ROCK2: variants seen among roughly 807,000 people sequenced by gnomAD.
ROCK2 encodes Rho associated coiled-coil containing protein kinase 2.
Under a neutral mutation model 195.1 loss-of-function variants are expected in ROCK2, and 61 were observed. The observed-to-expected ratio is 0.31, with a 90% CI of 0.25 to 0.39. ROCK2 has a LOEUF of 0.39. ROCK2 is among the 10% of genes least tolerant of loss of function. ROCK2 has a pLI of 1.00. For missense variants in ROCK2, 1,109 were observed against 1,637.4 expected (o/e 0.68, Z 5.57); for synonymous variants, 504 against 545.5 (o/e 0.92, Z 1.06).
intron 20 of ROCK2, among the ~76,000 whole-genome samples, chr2:11,205,788 G>A (rs1664028510): frequency 6.6e-6 from 1 of 151,966 alleles, no homozygotes; most frequent in Non-Finnish European, 1.5e-5. Context: ...AACATTTATT[G>A]AGGATGTAGT....
At chr2:11,238,795 T>C (rs1234107477) in intron 4 of ROCK2, among the ~76,000 whole-genome samples, 5 of 152,068 alleles carry the variant, frequency 3.3e-5, no homozygotes, top group African/African-American at 4.8e-5. Context: ...TACAGTGAGT[T>C]ACAATTGCAC....
At chr2:11,300,024 GT>G (rs1252180400) in intron 1 of ROCK2, among the ~76,000 whole-genome samples, 1 of 152,148 alleles carries the variant, frequency 6.6e-6, no homozygotes, top group East Asian at 1.9e-4. Context: ...CTAATTCACA[GT>G]TTTTGGGGTC....
chr2:11,339,814 TAGC>T (rs1430423775), intron 1 of ROCK2, among the ~76,000 whole-genome samples: 1 of 152,130 alleles, frequency 6.6e-6, no homozygotes, highest in Admixed American at 6.5e-5. Context: ...ATGTTCAGGG[TAGC>T]AGATGAGAGA....
At chr2:11,261,063 A>G (rs1666209817) in intron 3 of ROCK2, among the ~76,000 whole-genome samples, 1 of 152,226 alleles carries the variant, frequency 6.6e-6, no homozygotes, top group Non-Finnish European at 1.5e-5. Flanking sequence ...AAAATCATAT[A>G]TCTGTAGGAT....
At chr2:11,265,323 C>T (rs1018246296) in intron 3 of ROCK2, among the ~76,000 whole-genome samples, 2 of 152,138 alleles carry the variant, frequency 1.3e-5, no homozygotes, top group Non-Finnish European at 2.9e-5. Flanking sequence ...GAGTAGTTCT[C>T]TCTCAATTCT....
chr2:11,201,469 A>C lies in ROCK2; in HGVS notation c.2620-56T>G, dbSNP rs1663849729. 2.1e-6 allele frequency: 2 copies of C among 942,952 alleles called. No homozygotes were observed. The highest frequency in any genetic ancestry group is 1.9e-5 in the Admixed American group (1 of 52,738). The allele number at this position is 942,952 out of a possible 1,614,324, so 58.4% of individuals were successfully genotyped here. A position where few individuals can be genotyped will look rare whatever the true frequency, so the allele number is the denominator to read the frequency against. On this transcript the variant is annotated intron_variant, in intron 21 of 32. Transcript: ENST00000315872. This position sits in a 1 kb window ranked among gnomAD's most constrained non-coding sequence, Gnocchi z 4.6. The stretch of plus-strand genomic sequence containing the variant: ...TCATCATCAGAAATATTACTTCTAC[A>C]TTCAAAAGCTATTCAGACAAAAAGG...
At chr2:11,255,216 CAAAAAAA>C (rs70953375) in intron 3 of ROCK2, among the ~76,000 whole-genome samples, 3 of 109,216 alleles carry the variant, frequency 2.7e-5, no homozygotes, top group Non-Finnish European at 1.7e-5. Flanking sequence ...GACCCCATCT[CAAAAAAA>C]AAAAAAAAAA....
intron 1 of ROCK2, among the ~76,000 whole-genome samples, chr2:11,336,608 G>A (rs11895547): frequency 0.075 from 11,447 of 152,144 alleles, 643 homozygotes; most frequent in African/African-American, 0.16. Context: ...CTGATGATCC[G>A]GTGTAGCTAC....
At chr2:11,186,227 A>C (rs1466302145) in intron 32 of ROCK2, among the ~76,000 whole-genome samples, 1 of 152,174 alleles carries the variant, frequency 6.6e-6, no homozygotes, top group Non-Finnish European at 1.5e-5. Flanking sequence ...ACTTCTCTAG[A>C]CTTATATATA....
chr2:11,286,732 G>A (rs1667206702), intron 2 of ROCK2, 93 bp from the exon 3 acceptor site: 2 of 793,626 alleles, frequency 2.5e-6, no homozygotes, highest in East Asian at 6.0e-5. Context: ...TTCAAGAAAA[G>A]ACAGTTTTTA....
At chr2:11,284,297 C>G (rs1667111466) in intron 3 of ROCK2, among the ~76,000 whole-genome samples, 1 of 152,094 alleles carries the variant, frequency 6.6e-6, no homozygotes, top group African/African-American at 2.4e-5. Flanking sequence ...AATGAAAATA[C>G]TATGTATAAT....
At chr2:11,288,825 T>C (rs1288164931) in intron 1 of ROCK2, among the ~76,000 whole-genome samples, 1 of 152,084 alleles carries the variant, frequency 6.6e-6, no homozygotes, top group East Asian at 1.9e-4. Flanking sequence ...TAATCCCAGC[T>C]ACTTGGGAGG....
intron 3 of ROCK2, among the ~76,000 whole-genome samples, chr2:11,263,672 C>CAAAA (rs35525681): frequency 6.9e-5 from 10 of 145,292 alleles, no homozygotes; most frequent in Middle Eastern, 3.5e-3. Flanking sequence ...CACACACACA[C>CAAAA]AAAAAAAAAC....
intron 17 of ROCK2, among the ~76,000 whole-genome samples, chr2:11,213,695 G>T (rs1437043856): frequency 6.6e-6 from 1 of 151,400 alleles, no homozygotes; most frequent in Non-Finnish European, 1.5e-5. Flanking sequence ...CCCTAACTTA[G>T]AATGTGCCTT....
intron 5 of ROCK2, among the ~76,000 whole-genome samples, chr2:11,233,054 A>G (rs897021297): frequency 1.3e-5 from 2 of 151,808 alleles, no homozygotes; most frequent in Admixed American, 1.3e-4. Context: ...TCTCTATGAA[A>G]TATTAAAAAA....
At chr2:11,249,905 G>A in intron 3 of ROCK2, 107 bp from the exon 4 acceptor site, 1 of 907,108 alleles carries the variant, frequency 1.1e-6, no homozygotes. Flanking sequence ...CAAAAAAATG[G>A]TCCTTAGCTA....
At chr2:11,230,102 A>G (rs1161727097) in intron 5 of ROCK2, among the ~76,000 whole-genome samples, 1 of 152,098 alleles carries the variant, frequency 6.6e-6, no homozygotes, top group African/African-American at 2.4e-5. Context: ...TACAATATAT[A>G]CCCCCTAACT....
intron 23 of ROCK2, 118 bp from the exon 24 acceptor site, chr2:11,198,892 T>A (rs77154382): frequency 0.019 from 13,308 of 696,052 alleles, 328 homozygotes; most frequent in East Asian, 0.06. Flanking sequence ...TCTTTTTTTT[T>A]TTTTTTTGAG....
intron 1 of ROCK2, among the ~76,000 whole-genome samples, chr2:11,337,708 C>T (rs577832069): frequency 3.9e-5 from 6 of 152,094 alleles, no homozygotes; most frequent in South Asian, 4.2e-4. Flanking sequence ...TCTCAGCTCA[C>T]TGCAACCTCC....
Sources: allele counts gnomAD v4.1 joint callset (sites outside exome capture counted in the v4.1 genomes callset), GRCh38; gene constraint gnomAD v4.1.1; non-coding constraint Gnocchi (gnomAD v3.1); transcripts MANE v1.5; gene names NCBI Gene and HGNC (gene_info 2026-07-23, HGNC 2026-07-21).